Variants in COPG1 observed in about 807,000 individuals in gnomAD.
COPG1 encodes coatomer subunit gamma-1.
In COPG1, 29 loss-of-function variants were observed where a neutral mutation model predicts 102.8. The ratio of observed to expected loss-of-function variants is 0.28; its 90% CI spans 0.21 to 0.38. The LOEUF is 0.38. Among genes scored for constraint, COPG1 ranks in the 10% least tolerant of loss-of-function variants. COPG1 has a pLI of 1.00. For synonymous variants in COPG1, 406 were observed against 421.6 expected, an observed-to-expected ratio of 0.96 and a Z score of 0.45; for missense variants, 875 against 1,132.7, an observed-to-expected ratio of 0.77 and a Z score of 3.27.
At chr3:129,254,010 A>G (rs1939750511) in intron 5 of COPG1, among the ~76,000 whole-genome samples, 1 of 151,688 alleles carries the variant, frequency 6.6e-6, no homozygotes, top group Non-Finnish European at 1.5e-5. Flanking sequence ...CAAAAAAAAA[A>G]AAAAAAAGCC....
chr3:129,275,371 C>T lies in COPG1; in HGVS notation c.2494+79C>T, dbSNP rs2107680246. On this transcript the variant is annotated intron_variant, in intron 23 of 23. Transcript: ENST00000314797. The surrounding 1 kb of genome is among the most constrained non-coding windows in gnomAD (Gnocchi z 5.0). ...ACTGGATCCTGGGCTAAGGACTCCA[C>T]TGTAAATATGGGGAGTCAAAATTCA... 4 of 1,032,896 alleles carry T rather than the reference C, an allele frequency of 3.9e-6. No individual in the cohort carries two copies. The highest frequency in any genetic ancestry group is 5.9e-6 in the Non-Finnish European group (4 of 674,552). The allele number at this position is 1,032,896 out of a possible 1,614,324, so 64.0% of individuals were successfully genotyped here.
chr3:129,271,993 C>T lies in COPG1; in HGVS notation c.1986+84C>T. 4.1e-6 allele frequency: 6 copies of T among 1,464,092 alleles called. No individual in the cohort carries two copies. Among genetic ancestry groups the T allele is most frequent in the Non-Finnish European group, 5.6e-6 (6 of 1,077,924 alleles). The allele number at this position is 1,464,092 out of a possible 1,614,324, so 90.7% of individuals were successfully genotyped here. On this transcript the variant is annotated intron_variant, in intron 19 of 23. Transcript: ENST00000314797. The surrounding 1 kb of genome is among the most constrained non-coding windows in gnomAD (Gnocchi z 4.7). ...TGGCAGGTCCTGTAGGGTCATGGGT[C>T]CCCACACTGCATTGGTTGGGAGCCC...
Position 129,268,031 on chromosome 3 carries a change from A to T in COPG1, c.1639A>T (p.Ile547Phe). ...QKQKALNAGY[I>F]LNGLTVSIPG... ...GCAGAAGGCCCTTAATGCAGGCTAT[A>T]TCCTAAATGGTGAGTCATTCCCTGG... is the stretch of plus-strand genomic sequence containing the variant. The change falls in exon 16 of 24, where the codon ATC becomes TTC. Residue 547 changes from isoleucine (I) to phenylalanine (F), a missense_variant. Coordinates refer to ENST00000314797, the MANE Select transcript of COPG1 (RefSeq NM_016128.4). 1.2e-6 allele frequency: 2 copies of T among 1,613,482 alleles called. No individual in the cohort carries two copies. The highest frequency in any genetic ancestry group is 1.7e-6 in the Non-Finnish European group (2 of 1,179,486).
At chr3:129,256,533 C>A (rs1224573838) in intron 8 of COPG1, among the ~76,000 whole-genome samples, 1 of 152,238 alleles carries the variant, frequency 6.6e-6, no homozygotes, top group African/African-American at 2.4e-5. Context: ...GGCTTTCATC[C>A]ACTTTACTCT....
Position 129,268,528 on chromosome 3 carries a change from C to G in COPG1, c.1682C>G (p.Ala561Gly), listed in dbSNP as rs771841618. Residue 561 changes from alanine to glycine, a missense_variant, in exon 17 of 24, where the codon GCT becomes GGT. Transcript: ENST00000314797. ...LTVSIPGLER[A>G]LQQYTLEPSE... is the part of the protein sequence containing the mutation. Reference sequence around the variant, plus strand: ...GTGTCCATCCCTGGTCTGGAGAGGGCTCTGCAGCAGTACACTCTAGAACCA... The same window carrying G: ...GTGTCCATCCCTGGTCTGGAGAGGGGTCTGCAGCAGTACACTCTAGAACCA... The G allele has an allele frequency of 1.2e-5, 20 of 1,614,048 alleles. No homozygotes were observed. The highest frequency in any genetic ancestry group is 1.4e-5 in the Non-Finnish European group (16 of 1,179,986).
chr3:129,258,483 A>C (rs1196867569), intron 10 of COPG1, among the ~76,000 whole-genome samples: 1 of 152,222 alleles, frequency 6.6e-6, no homozygotes, highest in Non-Finnish European at 1.5e-5. Context: ...TTTGAGACGG[A>C]GTCTCACTAT....
intron 12 of COPG1, among the ~76,000 whole-genome samples, chr3:129,261,066 T>C (rs1939916871): frequency 6.6e-6 from 1 of 152,260 alleles, no homozygotes; most frequent in Admixed American, 6.5e-5. Context: ...CATTGATTTG[T>C]TGTCCAAGTA....
intron 15 of COPG1, 95 bp from the exon 16 acceptor site, chr3:129,267,842 T>TA (rs528383045): frequency 3.2e-4 from 292 of 917,812 alleles, no homozygotes; most frequent in Middle Eastern, 7.8e-4. Flanking sequence ...GTCTACTTGT[T>TA]ATCCCTATGG....
intron 12 of COPG1, among the ~76,000 whole-genome samples, chr3:129,262,143 G>A (rs781503940): frequency 6.6e-6 from 1 of 152,140 alleles, no homozygotes; most frequent in African/African-American, 2.4e-5. Flanking sequence ...TCTGGGCACG[G>A]TGGCTCATGC....
intron 8 of COPG1, among the ~76,000 whole-genome samples, chr3:129,256,827 A>T (rs972406499): frequency 6.6e-6 from 1 of 152,234 alleles, no homozygotes; most frequent in Non-Finnish European, 1.5e-5. Context: ...AGCTTCCCAC[A>T]TAGAAGGCTT....
chr3:129,270,587 C>T (rs1940164516), intron 18 of COPG1, among the ~76,000 whole-genome samples: 1 of 152,140 alleles, frequency 6.6e-6, no homozygotes, highest in Non-Finnish European at 1.5e-5. Context: ...TAATATCTAG[C>T]CTGGATTGTT....
chr3:129,270,000 C>T (rs13059723), intron 18 of COPG1, among the ~76,000 whole-genome samples: 3 of 146,474 alleles, frequency 2.0e-5, no homozygotes, highest in Non-Finnish European at 4.5e-5. Context: ...AAGGGCCCTT[C>T]TAGGGCAGAA....
chr3:129,265,870 C>CA, intron 14 of COPG1, 78 bp downstream of exon 14: 4 of 1,461,112 alleles, frequency 2.7e-6, no homozygotes, highest in Non-Finnish European at 3.7e-6. Flanking sequence ...CCTGAGCCTC[C>CA]AGTGGGGATT....
At chr3:129,256,453 G>A (rs1939811837) in intron 8 of COPG1, among the ~76,000 whole-genome samples, 1 of 152,268 alleles carries the variant, frequency 6.6e-6, no homozygotes, top group Non-Finnish European at 1.5e-5. Context: ...GCCAAGGCAG[G>A]CAGAGGGCCG....
chr3:129,275,172 A>C lies in COPG1; in HGVS notation c.2396-22A>C. 6.2e-7 allele frequency: 1 copy of C among 1,606,974 alleles called. No homozygotes were observed. Among genetic ancestry groups the C allele is most frequent in the Non-Finnish European group, 8.5e-7 (1 of 1,173,594 alleles). On this transcript the variant is annotated intron_variant, in intron 22 of 23. Coordinates refer to ENST00000314797, the MANE Select transcript of COPG1 (RefSeq NM_016128.4). This position sits in a 1 kb window ranked among gnomAD's most constrained non-coding sequence, Gnocchi z 5.0. ...AAAGGGCAGATAAGATGGCTTAACA[A>C]TATTGGGATTTCTCATTACAGAGGC...
chr3:129,273,114 C>T (rs1940211620), intron 21 of COPG1, among the ~76,000 whole-genome samples: 1 of 152,138 alleles, frequency 6.6e-6, no homozygotes, highest in Non-Finnish European at 1.5e-5. Context: ...CCTCTGTCTC[C>T]CTGGTCCAAG....
At position 129,271,854 on chromosome 3, in the gene COPG1, C is replaced by T. The variant is rs148765285; in HGVS notation, c.1931C>T (p.Thr644Met). Residue 644 changes from threonine to methionine, a missense_variant, in exon 19 of 24, where the codon ACG becomes ATG. Coordinates refer to ENST00000314797, the MANE Select transcript of COPG1 (RefSeq NM_016128.4). The surrounding 1 kb of genome is among the most constrained non-coding windows in gnomAD (Gnocchi z 4.7). Reference protein sequence around the residue: ...PEPVALTESETEYVIRCTKHT... With the variant: ...PEPVALTESEMEYVIRCTKHT... ...CCCGTGGCCCTCACCGAGTCAGAGA[C>T]GGAGTATGTCATCCGCTGCACCAAA... 1.7e-4 allele frequency: 281 copies of T among 1,614,198 alleles called. No individual in the cohort carries two copies. The highest frequency in any genetic ancestry group is 2.2e-4 in the Non-Finnish European group (265 of 1,180,034).
At chr3:129,260,491 C>G (rs1939905558) in intron 11 of COPG1, 91 bp downstream of exon 11, 1 of 1,515,932 alleles carries the variant, frequency 6.6e-7, no homozygotes, top group Non-Finnish European at 9.1e-7. Flanking sequence ...GATAATAGCC[C>G]TGGTCACAGT....
chr3:129,257,160 C>T (rs1204312013), intron 8 of COPG1, among the ~76,000 whole-genome samples: 1 of 152,234 alleles, frequency 6.6e-6, no homozygotes, highest in East Asian at 1.9e-4. Flanking sequence ...AGCACCAGGT[C>T]TCCCACATTG....
Sources: allele counts gnomAD v4.1 joint callset (sites outside exome capture counted in the v4.1 genomes callset), GRCh38; gene constraint gnomAD v4.1.1; non-coding constraint Gnocchi (gnomAD v3.1); transcripts MANE v1.5; gene names NCBI Gene and HGNC (gene_info 2026-07-23, HGNC 2026-07-21).